RYR2: variants seen among roughly 807,000 people sequenced by gnomAD.
The protein encoded by RYR2 is ryanodine receptor 2.
In RYR2, 227 loss-of-function variants were observed where a neutral mutation model predicts 601.1. The observed-to-expected ratio is 0.38, with a 90% CI of 0.34 to 0.42. RYR2 has a LOEUF of 0.42. Ranked by LOEUF, RYR2 falls within the 10% of genes least tolerant of loss-of-function variation. RYR2 has a pLI of 1.00. For missense variants in RYR2, 4,646 were observed against 6,156.5 expected, an observed-to-expected ratio of 0.75 and a Z score of 8.21; for synonymous variants, 2,223 against 2,175.1, an observed-to-expected ratio of 1.02 and a Z score of -0.61.
chr1:237,651,267 T>C (rs1682700590), intron 50 of RYR2, 144 bp from the exon 51 acceptor site: 3 of 643,868 alleles, frequency 4.7e-6, no homozygotes, highest in East Asian at 5.7e-5. Context: ...AAGTGGTTAA[T>C]CTTTGGACAA....
intron 70 of RYR2, among the ~76,000 whole-genome samples, chr1:237,710,179 A>G (rs1688714389): frequency 6.6e-6 from 1 of 152,234 alleles, no homozygotes; most frequent in South Asian, 2.1e-4. Flanking sequence ...ATCGTATAGT[A>G]GTCTATCATT....
chr1:237,314,093 C>T (rs4086647), intron 2 of RYR2, among the ~76,000 whole-genome samples: 6 of 107,086 alleles, frequency 5.6e-5, no homozygotes, highest in Non-Finnish European at 6.9e-5. Context: ...GAGATGGAGT[C>T]TTGCTCTGTT....
chr1:237,650,063 G>A lies in RYR2; in HGVS notation c.7699G>A (p.Asp2567Asn), dbSNP rs550513304. 5 of 1,613,996 alleles carry A rather than the reference G, an allele frequency of 3.1e-6. No individual in the cohort carries two copies. Among genetic ancestry groups the A allele is most frequent in the Non-Finnish European group, 3.4e-6 (4 of 1,179,884 alleles). The change falls in exon 50 of 105, where the codon GAT becomes AAT. Residue 2567 changes from aspartate (D) to asparagine (N), a missense_variant. By Grantham distance (23) the Asp-to-Asn change is conservative (BLOSUM62 1). This residue lies in a region of RYR2 where 1,497 missense variants were observed against 1,842.6 expected (regional missense o/e 0.81). Transcript: ENST00000366574. ...KGCSLTKAQR[D>N]SIEVCLLSIC... ...CTGTTCACTTACCAAAGCTCAGCGG[G>A]ATTCCATAGAAGTTTGTTTACTCTC...
chr1:237,793,783 C>T, intron 94 of RYR2, 84 bp from the exon 95 acceptor site: 3 of 1,054,990 alleles, frequency 2.8e-6, no homozygotes, highest in South Asian at 1.5e-5. Flanking sequence ...TATTTCTTTC[C>T]AAAAGCTGTT....
intron 81 of RYR2, among the ~76,000 whole-genome samples, chr1:237,756,889 G>T (rs1177874721): frequency 1.3e-5 from 2 of 152,146 alleles, no homozygotes; most frequent in Non-Finnish European, 2.9e-5. Flanking sequence ...GTAATTTATG[G>T]TATTTTGCCA....
At chr1:237,802,514 C>A (rs2149421999) in intron 98 of RYR2, 1 of 152,356 alleles carries the variant, frequency 6.6e-6, no homozygotes, top group Admixed American at 6.5e-5. Context: ...AATTCTCCTG[C>A]CTCTATCCTT....
intron 8 of RYR2, among the ~76,000 whole-genome samples, chr1:237,381,282 CT>C (rs1701498268): frequency 7.8e-6 from 1 of 128,094 alleles, no homozygotes; most frequent in Admixed American, 7.8e-5. Context: ...AAAAAGAATG[CT>C]TAAAGAAACA....
chr1:237,474,222 G>GGTATCTATATATATATATGTATAT (rs150747532), intron 17 of RYR2, among the ~76,000 whole-genome samples: 1 of 126,852 alleles, frequency 7.9e-6, no homozygotes, highest in African/African-American at 2.7e-5. Context: ...TGTGTGTGTA[G>GGTATCTATATATATATATGTATAT]ATCTATACAT....
chr1:237,708,756 TG>T, intron 68 of RYR2, 101 bp from the exon 69 acceptor site: 1 of 1,061,378 alleles, frequency 9.4e-7, no homozygotes, highest in Non-Finnish European at 1.4e-6. Context: ...AGTCATGTGC[TG>T]GAGAAGGAGG....
At chr1:237,369,239 A>G (rs1387589473) in intron 5 of RYR2, among the ~76,000 whole-genome samples, 2 of 152,172 alleles carry the variant, frequency 1.3e-5, no homozygotes, top group African/African-American at 4.8e-5. Flanking sequence ...TATAATGGGA[A>G]AGAGATTATT....
chr1:237,717,865 C>G (rs909870897), intron 72 of RYR2, among the ~76,000 whole-genome samples: 11 of 152,202 alleles, frequency 7.2e-5, no homozygotes, highest in African/African-American at 2.7e-4. Flanking sequence ...CATAGCTATG[C>G]AAATGAGGAT....
chr1:237,711,910 T>C, intron 71 of RYR2, 73 bp downstream of exon 71: 1 of 736,798 alleles, frequency 1.4e-6, no homozygotes, highest in South Asian at 1.6e-5. Context: ...TTTTTTTTTT[T>C]AGATTTTCGA....
At chr1:237,375,742 C>T (rs1219976946) in intron 7 of RYR2, among the ~76,000 whole-genome samples, 1 of 152,116 alleles carries the variant, frequency 6.6e-6, no homozygotes, top group East Asian at 1.9e-4. Context: ...TATCATTCCT[C>T]TGTATTTTTG....
At chr1:237,583,337 T>C (rs1341613318) in intron 29 of RYR2, among the ~76,000 whole-genome samples, 4 of 152,204 alleles carry the variant, frequency 2.6e-5, no homozygotes, top group Non-Finnish European at 5.9e-5. Flanking sequence ...AGGACCTTTG[T>C]CAGAAACATA....
chr1:237,468,047 A>T (rs1660277850), intron 16 of RYR2, among the ~76,000 whole-genome samples: 1 of 151,710 alleles, frequency 6.6e-6, no homozygotes, highest in Admixed American at 6.6e-5. Flanking sequence ...TTTATTAGAG[A>T]TGGGGTTTCA....
chr1:237,432,876 GTT>G (rs533791336), intron 12 of RYR2, among the ~76,000 whole-genome samples: 2,111 of 136,468 alleles, frequency 0.015, 51 homozygotes, highest in African/African-American at 0.053. Flanking sequence ...TCTTTTTGTT[GTT>G]TTTTTTTTTT....
intron 73 of RYR2, among the ~76,000 whole-genome samples, chr1:237,719,914 T>G (rs1169113195): frequency 6.6e-6 from 1 of 152,210 alleles, no homozygotes; most frequent in Non-Finnish European, 1.5e-5. Flanking sequence ...AGATCCACAC[T>G]ATATCAATAG....
At chr1:237,550,988 C>T (rs1670328470) in intron 27 of RYR2, among the ~76,000 whole-genome samples, 1 of 152,144 alleles carries the variant, frequency 6.6e-6, no homozygotes, top group Non-Finnish European at 1.5e-5. Flanking sequence ...CCTAGCCCAC[C>T]AGCCCTCCTC....
intron 1 of RYR2, among the ~76,000 whole-genome samples, chr1:237,113,489 C>T (rs1256310941): frequency 6.6e-6 from 1 of 152,074 alleles, no homozygotes; most frequent in Non-Finnish European, 1.5e-5. Flanking sequence ...CATGAGCCAT[C>T]GTGTCCAGCC....
Sources: allele counts gnomAD v4.1 joint callset (sites outside exome capture counted in the v4.1 genomes callset), GRCh38; gene constraint gnomAD v4.1.1; regional missense constraint gnomAD v4.1.1; transcripts MANE v1.5; gene names NCBI Gene and HGNC (gene_info 2026-07-23, HGNC 2026-07-21).